LRRN1: variants seen among roughly 807,000 people sequenced by gnomAD.
LRRN1 encodes leucine-rich repeat neuronal protein 1.
Under a neutral mutation model 45.8 loss-of-function variants are expected in LRRN1, and 14 were observed. That is an observed-to-expected ratio of 0.31 (90% CI 0.20 to 0.48). LRRN1 has a LOEUF of 0.48. Among genes scored for constraint, LRRN1 ranks in the 20% least tolerant of loss-of-function variants. The probability of loss-of-function intolerance (pLI) is 0.99; values close to 1 mark genes in which losing one functional copy is unlikely to be tolerated. For missense variants in LRRN1, 789 were observed against 874.2 expected (o/e 0.90, Z 1.23); for synonymous variants, 359 against 330.1 (o/e 1.09, Z -0.95).
chr3:3,801,990 G>A (rs1337687406), intron 1 of LRRN1, among the ~76,000 whole-genome samples: 6 of 152,112 alleles, frequency 3.9e-5, no homozygotes, highest in African/African-American at 7.2e-5. Context: ...GATCGTTGTC[G>A]TTGACCGACA....
At chr3:3,800,211 G>A (rs1017713405) in intron 1 of LRRN1, among the ~76,000 whole-genome samples, 1 of 151,990 alleles carries the variant, frequency 6.6e-6, no homozygotes, top group East Asian at 1.9e-4. Context: ...GGCAAAAAAA[G>A]GCAGTGACCG....
At chr3:3,834,071 G>C (rs991720784) in intron 1 of LRRN1, among the ~76,000 whole-genome samples, 10 of 152,104 alleles carry the variant, frequency 6.6e-5, no homozygotes, top group African/African-American at 2.2e-4. Context: ...CTCTCACTCA[G>C]GGTAATCTTA....
intron 1 of LRRN1, chr3:3,827,189 A>G (rs946122023): frequency 8.9e-6 from 2 of 225,890 alleles, no homozygotes; most frequent in African/African-American, 4.5e-5. Flanking sequence ...AGGTTTTATA[A>G]TCTCCATTTT....
intron 1 of LRRN1, among the ~76,000 whole-genome samples, chr3:3,823,177 A>G (rs1693140140): frequency 2.6e-5 from 4 of 152,136 alleles, no homozygotes; most frequent in Admixed American, 2.6e-4. Flanking sequence ...TACTATTGAT[A>G]CTTCATTCAT....
intron 1 of LRRN1, among the ~76,000 whole-genome samples, chr3:3,835,459 G>A (rs191147860): frequency 9.9e-5 from 15 of 152,170 alleles, no homozygotes; most frequent in African/African-American, 3.4e-4. Context: ...TTGAACTATC[G>A]TCAGTTGGGG....
At chr3:3,812,154 G>A (rs1692887854) in intron 1 of LRRN1, among the ~76,000 whole-genome samples, 2 of 152,176 alleles carry the variant, frequency 1.3e-5, no homozygotes, top group Admixed American at 1.3e-4. Flanking sequence ...GTACAGTGGT[G>A]AGCAAAACAG....
intron 1 of LRRN1, among the ~76,000 whole-genome samples, chr3:3,809,058 A>C (rs1478643342): frequency 1.3e-5 from 2 of 152,226 alleles, no homozygotes; most frequent in Admixed American, 1.3e-4. Flanking sequence ...CACAGGGAAA[A>C]GACAGGTAAA....
At chr3:3,842,622 G>T (rs1413638212) in intron 1 of LRRN1, among the ~76,000 whole-genome samples, 2 of 152,140 alleles carry the variant, frequency 1.3e-5, no homozygotes, top group African/African-American at 4.8e-5. Flanking sequence ...AGCTTGCTAT[G>T]TATTGAGCAC....
intron 1 of LRRN1, among the ~76,000 whole-genome samples, chr3:3,810,811 T>C (rs1029592581): frequency 6.6e-6 from 1 of 152,162 alleles, no homozygotes. Flanking sequence ...TTGCTATGAG[T>C]TGGCCTCCCT....
chr3:3,818,101 C>T (rs1354360714), intron 1 of LRRN1, among the ~76,000 whole-genome samples: 1 of 152,210 alleles, frequency 6.6e-6, no homozygotes, highest in African/African-American at 2.4e-5. Flanking sequence ...TTATGCAACA[C>T]TTACTAACAG....
At chr3:3,817,872 C>G (rs1401367559) in intron 1 of LRRN1, among the ~76,000 whole-genome samples, 2 of 152,094 alleles carry the variant, frequency 1.3e-5, no homozygotes, top group African/African-American at 4.8e-5. Flanking sequence ...GAGAATTATC[C>G]TCACCATTAC....
At chr3:3,834,599 TTA>T (rs1389508479) in intron 1 of LRRN1, among the ~76,000 whole-genome samples, 2 of 129,216 alleles carry the variant, frequency 1.5e-5, no homozygotes, top group South Asian at 2.4e-4. Flanking sequence ...TTTATATACA[TTA>T]TATATATAAT....
chr3:3,810,933 A>C (rs2106452796), intron 1 of LRRN1, among the ~76,000 whole-genome samples: 1 of 152,270 alleles, frequency 6.6e-6, no homozygotes, highest in Non-Finnish European at 1.5e-5. Flanking sequence ...AATAGTAATT[A>C]TTTGTGGAGA....
chr3:3,846,980 G>A lies in LRRN1; in HGVS notation c.*188G>A, dbSNP rs555267679. Reference sequence around the variant, plus strand: ...GCAAGGGTTTGACACGGCTGCCAGCGACTCTAGGCTTCCAGTCTGTGTTTG... The same window carrying A: ...GCAAGGGTTTGACACGGCTGCCAGCAACTCTAGGCTTCCAGTCTGTGTTTG... On this transcript the variant is annotated 3_prime_UTR_variant, in exon 2 of 2. Coordinates refer to ENST00000319331, the MANE Select transcript of LRRN1 (RefSeq NM_020873.7). The surrounding 1 kb of genome is among the most constrained non-coding windows in gnomAD (Gnocchi z 5.7). 1.5e-3 allele frequency: 729 copies of A among 476,346 alleles called. 1 individual carries two copies. The highest frequency in any genetic ancestry group is 4.8e-3 in the South Asian group (96 of 20,050). 29.5% of individuals were successfully genotyped at this position (476,346 alleles called of 1,614,324 possible). A position where few individuals can be genotyped will look rare whatever the true frequency, so the allele number is the denominator to read the frequency against.
At chr3:3,811,018 A>T (rs1692860844) in intron 1 of LRRN1, among the ~76,000 whole-genome samples, 1 of 152,184 alleles carries the variant, frequency 6.6e-6, no homozygotes, top group East Asian at 1.9e-4. Flanking sequence ...TTAATTGTAG[A>T]TATCCATACT....
At position 3,849,819 on chromosome 3, in the gene LRRN1, T is replaced by C. The variant is rs1223224916; in HGVS notation, c.*3027T>C. Among the ~76,000 whole-genome samples the C allele has an allele frequency of 6.6e-6, 1 of 152,206 alleles. No individual in the cohort carries two copies. The highest frequency in any genetic ancestry group is 1.5e-5 in the Non-Finnish European group (1 of 68,034). On this transcript the variant is annotated 3_prime_UTR_variant, in exon 2 of 2. Coordinates refer to ENST00000319331, the MANE Select transcript of LRRN1 (RefSeq NM_020873.7). ...TATTTTTTTGCAAACAATATCAAAG[T>C]GCATATTTTCTCTCATGTGGTTTCT...
In LRRN1 at chr3:3,845,406, T is replaced by C; in HGVS notation, c.765T>C (p.Pro255=). ...SFYDNKLVKV[P]QLALQKVPNL... is the part of the protein sequence containing the mutation. ...ATGATAACAAACTGGTTAAAGTCCC[T>C]CAACTTGCCCTGCAAAAAGTTCCAA... The change falls in exon 2 of 2, where the codon CCT becomes CCC. Residue 255 remains proline, a synonymous_variant. Coordinates refer to ENST00000319331, the MANE Select transcript of LRRN1 (RefSeq NM_020873.7). This position sits in a 1 kb window ranked among gnomAD's most constrained non-coding sequence, Gnocchi z 6.5. 6.2e-7 allele frequency: 1 copy of C among 1,614,126 alleles called. No individual in the cohort carries two copies. Among genetic ancestry groups the C allele is most frequent in the Non-Finnish European group, 8.5e-7 (1 of 1,180,012 alleles).
At chr3:3,831,064 A>T (rs1363354107) in intron 1 of LRRN1, among the ~76,000 whole-genome samples, 1 of 152,212 alleles carries the variant, frequency 6.6e-6, no homozygotes, top group African/African-American at 2.4e-5. Flanking sequence ...ATATGGCCCA[A>T]GTGGCAGAGC....
chr3:3,809,852 A>G (rs1472374646), intron 1 of LRRN1, among the ~76,000 whole-genome samples: 1 of 152,242 alleles, frequency 6.6e-6, no homozygotes, highest in Admixed American at 6.5e-5. Context: ...AGTATACAGT[A>G]GCAATGAGTA....
Sources: gnomAD v4.1 joint callset for allele counts (sites outside exome capture counted in the v4.1 genomes callset) on GRCh38, gnomAD v4.1.1 for gene constraint, Gnocchi (gnomAD v3.1) non-coding constraint, MANE v1.5 for transcripts, NCBI Gene and HGNC (gene_info 2026-07-23, HGNC 2026-07-21) for gene names.